Variants in GCNT3 observed in about 807,000 individuals in gnomAD.
The protein encoded by GCNT3 is beta-1,3-galactosyl-O-glycosyl-glycoprotein beta-1,6-N-acetylglucosaminyltransferase 3.
For missense variants in GCNT3, 708 were observed against 530.3 expected (o/e 1.34, Z -3.29); for synonymous variants, 269 against 195.2 (o/e 1.38, Z -3.15).
intron 1 of GCNT3, among the ~76,000 whole-genome samples, chr15:59,614,151 G>T (rs561577842): frequency 6.6e-6 from 1 of 152,320 alleles, no homozygotes; most frequent in African/African-American, 2.4e-5. Context: ...TACTAATAAA[G>T]TGGAGGAGTT....
At chr15:59,614,849 C>G (rs573427960) in intron 1 of GCNT3, among the ~76,000 whole-genome samples, 29 of 152,316 alleles carry the variant, frequency 1.9e-4, no homozygotes, top group African/African-American at 6.7e-4. Flanking sequence ...TGCTCTGGTT[C>G]AAGCACCTCT....
Position 59,618,703 on chromosome 15 carries a change from C to G in GCNT3, c.465C>G (p.Ala155=). The G allele has an allele frequency of 6.2e-7, 1 of 1,613,946 alleles. No individual in the cohort carries two copies. Among genetic ancestry groups the G allele is most frequent in the Admixed American group, 1.7e-5 (1 of 60,028 alleles). The part of the protein sequence containing the change: ...NFERLLRAVY[A]PQNIYCVHVD... Reference sequence around the variant, plus strand: ...AAAGGCTACTGCGAGCTGTGTATGCCCCTCAGAACATATACTGTGTCCATG... The same window carrying G: ...AAAGGCTACTGCGAGCTGTGTATGCGCCTCAGAACATATACTGTGTCCATG... Residue 155 remains alanine (A), a synonymous_variant, in exon 3 of 3, where the codon GCC becomes GCG. Coordinates refer to ENST00000396065, the MANE Select transcript of GCNT3 (RefSeq NM_004751.3).
At chr15:59,612,793 C>T (rs1161178884) in intron 1 of GCNT3, among the ~76,000 whole-genome samples, 1 of 152,128 alleles carries the variant, frequency 6.6e-6, no homozygotes, top group Non-Finnish European at 1.5e-5. Flanking sequence ...CATTCTGTCC[C>T]CTCTCCTGTA....
At chr15:59,617,643 T>A (rs564428986) in intron 2 of GCNT3, among the ~76,000 whole-genome samples, 13 of 152,344 alleles carry the variant, frequency 8.5e-5, no homozygotes, top group South Asian at 2.1e-4. Context: ...GAACATTTTT[T>A]AAAAAGTGTG....
rs1197653713 is a variant in GCNT3, at chr15:59,614,313, T to C, written c.-251+2332T>C. Among the ~76,000 whole-genome samples, 3 of 152,152 alleles carry C rather than the reference T, an allele frequency of 2.0e-5. No homozygotes were observed. In the East Asian group the frequency reaches 5.8e-4, roughly 29 times the overall value. ...CCACGTAGGGGTGCAGATGACCCTG[T>C]TACCAGAAAGGGGTCCCGATCCAGA... On this transcript the variant is annotated intron_variant, in intron 1 of 2. Transcript: ENST00000396065.
intron 1 of GCNT3, among the ~76,000 whole-genome samples, chr15:59,615,592 C>A (rs1257829709): frequency 6.6e-6 from 1 of 151,994 alleles, no homozygotes; most frequent in Non-Finnish European, 1.5e-5. Context: ...ATTAAATTTG[C>A]CCTGTTCAGG....
In GCNT3 at chr15:59,621,626, C is replaced by A. The variant is rs1446425691; in HGVS notation, c.*2071C>A. 9.4e-6 allele frequency: 1 copy of A among 106,694 alleles called. No homozygotes were observed. Among genetic ancestry groups the A allele is most frequent in the Non-Finnish European group, 1.7e-5 (1 of 58,382 alleles). 6.6% of individuals were successfully genotyped at this position (106,694 alleles called of 1,614,324 possible). A position where few individuals can be genotyped will look rare whatever the true frequency, so the allele number is the denominator to read the frequency against. On this transcript the variant is annotated 3_prime_UTR_variant, in exon 3 of 3. Transcript: ENST00000396065. ...TTTTTTTTTGAGACAGAGTCTCACT[C>A]TGTCACCCAGGTTGGAGTGCAACGA...
rs1479740439 is a variant in GCNT3 at position 59,614,129 on chromosome 15, A to AG, written c.-251+2149dup. Reference sequence around the variant, plus strand: ...AGGTGAGACTTGAGGGGGGCACCAAAGAAAAGTAAGATACTAATAAAGTGG... The same window carrying AG: ...AGGTGAGACTTGAGGGGGGCACCAAAGGAAAAGTAAGATACTAATAAAGTGG... On this transcript the variant is annotated intron_variant, in intron 1 of 2. Coordinates refer to ENST00000396065, the MANE Select transcript of GCNT3 (RefSeq NM_004751.3). Among the ~76,000 whole-genome samples the AG allele has an allele frequency of 3.3e-5, 5 of 152,364 alleles. No homozygotes were observed. In the East Asian group the frequency reaches 9.6e-4, roughly 29 times the overall value.
At position 59,621,592 on chromosome 15, in the gene GCNT3, G is replaced by GTTTTTTT. The variant is rs71119496; in HGVS notation, c.*2048_*2054dup. 8.4e-6 allele frequency: 1 copy of GTTTTTTT among 118,832 alleles called. No individual in the cohort carries two copies. The highest frequency in any genetic ancestry group is 1.1e-4 in the Admixed American group (1 of 9,352). 7.4% of individuals were successfully genotyped at this position (118,832 alleles called of 1,614,324 possible). A position where few individuals can be genotyped will look rare whatever the true frequency, so the allele number is the denominator to read the frequency against. ...ATATGTTTCTTCCTTTCTGATTTTT[G>GTTTTTTT]TTTTTTTTTTTTTTTTTGAGACAGA... On this transcript the variant is annotated 3_prime_UTR_variant, in exon 3 of 3. Transcript: ENST00000396065.
chr15:59,617,204 T>G (rs1468945610), intron 2 of GCNT3, among the ~76,000 whole-genome samples: 13 of 148,484 alleles, frequency 8.8e-5, no homozygotes, highest in African/African-American at 3.2e-4. Flanking sequence ...AGGGGCTTCC[T>G]GGTCTTCATC....
In GCNT3 at chr15:59,618,404, T is replaced by G; in HGVS notation, c.166T>G (p.Leu56Val). The G allele has an allele frequency of 1.2e-6, 2 of 1,614,142 alleles. No individual in the cohort carries two copies. The stretch of plus-strand genomic sequence containing the variant: ...TCAAAGCCAGTACTGTAGGAATATC[T>G]TGTATAATTTCCTGAAACTTCCAGC... ...ESQSQYCRNILYNFLKLPAKR... is the reference protein window; with the variant it reads ...ESQSQYCRNIVYNFLKLPAKR... Residue 56 changes from leucine to valine, a missense_variant, in exon 3 of 3, where the codon TTG becomes GTG. Leu to Val is a conservative substitution (Grantham distance 32, BLOSUM62 1). Coordinates refer to ENST00000396065, the MANE Select transcript of GCNT3 (RefSeq NM_004751.3).
rs770508789 is a variant in GCNT3, at chr15:59,618,550, C to G, written c.312C>G (p.Leu104=). 1.9e-6 allele frequency: 3 copies of G among 1,614,134 alleles called. No homozygotes were observed. The highest frequency in any genetic ancestry group is 2.7e-5 in the African/African-American group (2 of 75,030). The change falls in exon 3 of 3, where the codon CTC becomes CTG. Residue 104 remains leucine (L), a synonymous_variant. Coordinates refer to ENST00000396065, the MANE Select transcript of GCNT3 (RefSeq NM_004751.3). ...AGCCTTTCACAGACACCCACTACCT[C>G]TCCCTCACCAGAGACTGTGAGCACT... The part of the protein sequence containing the change: ...KREPFTDTHY[L]SLTRDCEHFK...
In GCNT3 at chr15:59,622,298, G is replaced by A. The variant is rs533572344; in HGVS notation, c.*2743G>A. 7.3e-6 allele frequency: 1 copy of A among 137,848 alleles called. No homozygotes were observed. The highest frequency in any genetic ancestry group is 1.5e-5 in the Non-Finnish European group (1 of 64,814). The allele number at this position is 137,848 out of a possible 1,614,324, so 8.5% of individuals were successfully genotyped here. ...ACTGCACTCCAGCCTGGGCGATAGA[G>A]CCAGACTGAGTCTCAAAAAAAAAAA... On this transcript the variant is annotated 3_prime_UTR_variant, in exon 3 of 3. Coordinates refer to ENST00000396065, the MANE Select transcript of GCNT3 (RefSeq NM_004751.3).
intron 1 of GCNT3, among the ~76,000 whole-genome samples, chr15:59,614,631 C>G (rs73421024): frequency 1.3e-5 from 2 of 152,280 alleles, no homozygotes; most frequent in African/African-American, 4.8e-5. Context: ...GTGAGGAGGA[C>G]AGGAGGTCAC....
At chr15:59,612,126 C>T (rs895376966) in intron 1 of GCNT3, 145 bp downstream of exon 1, 2 of 152,266 alleles carry the variant, frequency 1.3e-5, no homozygotes, top group African/African-American at 4.8e-5. Flanking sequence ...AGGTTAACAT[C>T]AAATCCCACT....
At chr15:59,614,743 C>T (rs1231309810) in intron 1 of GCNT3, among the ~76,000 whole-genome samples, 2 of 152,276 alleles carry the variant, frequency 1.3e-5, no homozygotes, top group East Asian at 1.9e-4. Flanking sequence ...CCTATCTCCT[C>T]TATCTCATCC....
rs1890933119 is a variant in GCNT3 at position 59,621,586 on chromosome 15, A to ATATTTTT, written c.*2032_*2033insATTTTTT. ...TCATTAATATGTTTCTTCCTTTCTG[A>ATATTTTT]TTTTTGTTTTTTTTTTTTTTTTTGA... On this transcript the variant is annotated 3_prime_UTR_variant, in exon 3 of 3. Coordinates refer to ENST00000396065, the MANE Select transcript of GCNT3 (RefSeq NM_004751.3). 2 of 90,846 alleles carry ATATTTTT rather than the reference A, an allele frequency of 2.2e-5. No homozygotes were observed. Among genetic ancestry groups the ATATTTTT allele is most frequent in the Non-Finnish European group, 4.0e-5 (2 of 50,212 alleles). 5.6% of individuals were successfully genotyped at this position (90,846 alleles called of 1,614,324 possible). A position where few individuals can be genotyped will look rare whatever the true frequency, so the allele number is the denominator to read the frequency against.
Position 59,621,462 on chromosome 15 carries a change from T to C in GCNT3, c.*1907T>C, listed in dbSNP as rs1321499086. On this transcript the variant is annotated 3_prime_UTR_variant, in exon 3 of 3. Transcript: ENST00000396065. ...CATAGGCAGTGCCCTTTGAATATAG[T>C]ACAGCTCATCTTCTGCATACGATAT... is the stretch of plus-strand genomic sequence containing the variant. 1.3e-5 allele frequency: 2 copies of C among 151,780 alleles called. No homozygotes were observed. Among genetic ancestry groups the C allele is most frequent in the Admixed American group, 6.6e-5 (1 of 15,226 alleles). The allele number at this position is 151,780 out of a possible 1,614,324, so 9.4% of individuals were successfully genotyped here.
intron 2 of GCNT3, chr15:59,617,808 G>C (rs987533252): frequency 1.9e-5 from 3 of 153,984 alleles, no homozygotes; most frequent in African/African-American, 7.2e-5. Context: ...TTTCTCTCCA[G>C]ATCTATCAGA....
Sources: gnomAD v4.1 joint callset for allele counts (sites outside exome capture counted in the v4.1 genomes callset) on GRCh38, gnomAD v4.1.1 for gene constraint, MANE v1.5 for transcripts, NCBI Gene and HGNC (gene_info 2026-07-23, HGNC 2026-07-21) for gene names.